Variants in OTUD7A observed in about 807,000 individuals in gnomAD.
The protein encoded by OTUD7A is OTU deubiquitinase 7A, also known as OTU domain-containing protein 7A.
OTUD7A carries 12 observed loss-of-function variants against 65.7 expected under a neutral mutation model. The observed-to-expected ratio is 0.18, with a 90% CI of 0.12 to 0.30. The LOEUF (loss-of-function observed/expected upper bound fraction) is 0.30, where lower values mean the gene tolerates loss of function less well. Among genes scored for constraint, OTUD7A ranks in the 10% least tolerant of loss-of-function variants. OTUD7A has a pLI of 1.00. For synonymous variants in OTUD7A, 641 were observed against 586.3 expected (o/e 1.09, Z -1.35); for missense variants, 1,148 against 1,304.8 (o/e 0.88, Z 1.85).
intron 1 of OTUD7A, among the ~76,000 whole-genome samples, chr15:31,748,321 G>T (rs891574823): frequency 4.6e-5 from 7 of 151,548 alleles, no homozygotes; most frequent in African/African-American, 1.7e-4. Flanking sequence ...AAAACTCCAC[G>T]ATGATATACA....
intron 1 of OTUD7A, among the ~76,000 whole-genome samples, chr15:31,859,559 T>C (rs1466514175): frequency 6.6e-6 from 1 of 152,246 alleles, no homozygotes; most frequent in Non-Finnish European, 1.5e-5. Flanking sequence ...ACCAACTTTC[T>C]TTCCCCCTTG....
At chr15:31,556,181 G>T (rs139171824) in intron 5 of OTUD7A, 1 of 152,348 alleles carries the variant, frequency 6.6e-6, no homozygotes, top group East Asian at 1.9e-4. Context: ...AGGAAGACAT[G>T]TTGGCTACTA....
At chr15:31,547,299 G>A (rs1357000054) in intron 5 of OTUD7A, among the ~76,000 whole-genome samples, 1 of 152,168 alleles carries the variant, frequency 6.6e-6, no homozygotes, top group African/African-American at 2.4e-5. Flanking sequence ...TATAAACAAG[G>A]CTACAACATA....
chr15:31,636,543 C>G (rs1219828906), intron 3 of OTUD7A, among the ~76,000 whole-genome samples: 1 of 150,724 alleles, frequency 6.6e-6, no homozygotes. Context: ...TCAAGTTGTT[C>G]AAATGGAAAA....
chr15:31,669,257 G>T (rs2141293585), intron 1 of OTUD7A, among the ~76,000 whole-genome samples: 1 of 152,290 alleles, frequency 6.6e-6, no homozygotes, highest in Non-Finnish European at 1.5e-5. Flanking sequence ...GGTGGATAGG[G>T]AAGGCCCATC....
At chr15:31,554,552 C>T (rs1156614829) in intron 5 of OTUD7A, among the ~76,000 whole-genome samples, 1 of 152,196 alleles carries the variant, frequency 6.6e-6, no homozygotes, top group Non-Finnish European at 1.5e-5. Flanking sequence ...CCCCTCAATC[C>T]AATTATCCTC....
chr15:31,738,591 T>C (rs1894254994), intron 1 of OTUD7A, among the ~76,000 whole-genome samples: 1 of 152,164 alleles, frequency 6.6e-6, no homozygotes, highest in Admixed American at 6.5e-5. Context: ...CAGTTTTCTG[T>C]GGAGGAAAGG....
intron 10 of OTUD7A, among the ~76,000 whole-genome samples, chr15:31,489,169 A>C (rs1333355677): frequency 6.6e-6 from 1 of 152,176 alleles, no homozygotes; most frequent in Admixed American, 6.5e-5. Flanking sequence ...CTCATGGGGC[A>C]GGGGGTGGCA....
At chr15:31,806,770 T>C (rs1330688226) in intron 1 of OTUD7A, among the ~76,000 whole-genome samples, 3 of 152,246 alleles carry the variant, frequency 2.0e-5, no homozygotes, top group Non-Finnish European at 4.4e-5. Flanking sequence ...CCACAGAGCA[T>C]TTCACAATCC....
At chr15:31,666,402 G>C (rs1203418516) in intron 1 of OTUD7A, among the ~76,000 whole-genome samples, 3 of 152,202 alleles carry the variant, frequency 2.0e-5, no homozygotes, top group Non-Finnish European at 2.9e-5. Flanking sequence ...TAGTTTATGT[G>C]TGTAAAGGTG....
chr15:31,534,748 C>T (rs1887741062), intron 5 of OTUD7A, among the ~76,000 whole-genome samples: 1 of 152,130 alleles, frequency 6.6e-6, no homozygotes, highest in South Asian at 2.1e-4. Flanking sequence ...GTACAGTCAT[C>T]CCCAAGTATC....
intron 1 of OTUD7A, among the ~76,000 whole-genome samples, chr15:31,737,338 A>G (rs761536672): frequency 1.7e-4 from 26 of 152,330 alleles, no homozygotes; most frequent in Middle Eastern, 3.4e-3. Context: ...AACTCCAGCA[A>G]AAGACACGAA....
Position 31,481,285 on chromosome 15 carries a change from T to C in OTUD7A, c.*2009A>G, listed in dbSNP as rs1429904091. ...TTTTTAAGGTTGGGTGTCTCAATCT[T>C]TTAAGAGTGACGAGCATGAGGAGTG... On this transcript the variant is annotated 3_prime_UTR_variant, in exon 13 of 13. Transcript: ENST00000307050. The C allele has an allele frequency of 6.6e-6, 1 of 152,204 alleles. No individual in the cohort carries two copies. The highest frequency in any genetic ancestry group is 6.5e-5 in the Admixed American group (1 of 15,278). The allele number at this position is 152,204 out of a possible 1,614,324, so 9.4% of individuals were successfully genotyped here.
chr15:31,661,393 A>C (rs1434769898), intron 1 of OTUD7A, among the ~76,000 whole-genome samples: 2 of 152,248 alleles, frequency 1.3e-5, no homozygotes, highest in Non-Finnish European at 2.9e-5. Context: ...TCAACATTCC[A>C]GTCTCTCTAC....
At chr15:31,816,320 A>G (rs1896548113) in intron 1 of OTUD7A, among the ~76,000 whole-genome samples, 1 of 152,218 alleles carries the variant, frequency 6.6e-6, no homozygotes, top group African/African-American at 2.4e-5. Context: ...AAGGGAGGAA[A>G]AAGCTGTCTA....
At chr15:31,854,297 C>A (rs183150879) in intron 1 of OTUD7A, among the ~76,000 whole-genome samples, 1 of 152,306 alleles carries the variant, frequency 6.6e-6, no homozygotes, top group African/African-American at 2.4e-5. Context: ...CTGGGGCCCA[C>A]CTGGGTCGTC....
intron 5 of OTUD7A, among the ~76,000 whole-genome samples, chr15:31,539,063 C>T (rs1407125193): frequency 1.3e-5 from 2 of 152,208 alleles, no homozygotes; most frequent in Non-Finnish European, 2.9e-5. Flanking sequence ...GGCCTCTCCC[C>T]TGCAGTAGAG....
At chr15:31,767,897 C>G in intron 1 of OTUD7A, 2 of 1,480,284 alleles carry the variant, frequency 1.4e-6, no homozygotes, top group Non-Finnish European at 1.9e-6. Flanking sequence ...TGCAGGAAAT[C>G]TGAAGAGCTG....
intron 1 of OTUD7A, among the ~76,000 whole-genome samples, chr15:31,677,402 G>A (rs1472611492): frequency 6.6e-6 from 1 of 152,120 alleles, no homozygotes; most frequent in Non-Finnish European, 1.5e-5. Flanking sequence ...AAAAAGTGAA[G>A]GTCCATCCAA....
Sources: allele counts gnomAD v4.1 joint callset (sites outside exome capture counted in the v4.1 genomes callset), GRCh38; gene constraint gnomAD v4.1.1; transcripts MANE v1.5; gene names NCBI Gene and HGNC (gene_info 2026-07-23, HGNC 2026-07-21).